Variants in PRKCQ observed in about 807,000 individuals in gnomAD.
PRKCQ encodes the protein protein kinase C theta, also known as protein kinase C theta type.
In PRKCQ, 41 loss-of-function variants were observed where a neutral mutation model predicts 91.2. The ratio of observed to expected loss-of-function variants is 0.45; its 90% CI spans 0.35 to 0.58. The LOEUF (loss-of-function observed/expected upper bound fraction) is 0.58, where lower values mean the gene tolerates loss of function less well. Among genes scored for constraint, PRKCQ ranks in the 20% least tolerant of loss-of-function variants. PRKCQ has a pLI of 0.00. For synonymous variants in PRKCQ, 307 were observed against 316.9 expected, an observed-to-expected ratio of 0.97 and a Z score of 0.33; for missense variants, 673 against 896.5, an observed-to-expected ratio of 0.75 and a Z score of 3.18.
At chr10:6,462,508 ATGT>A (rs1835407746) in intron 13 of PRKCQ, 143 bp from the exon 14 acceptor site, 2 of 677,604 alleles carry the variant, frequency 3.0e-6, no homozygotes, top group Admixed American at 2.7e-5. Flanking sequence ...AACAAGGAAG[ATGT>A]TGTCCATTCA....
chr10:6,471,167 G>A (rs1835941785), intron 12 of PRKCQ, among the ~76,000 whole-genome samples: 1 of 151,712 alleles, frequency 6.6e-6, no homozygotes, highest in Non-Finnish European at 1.5e-5. Context: ...GCTCCCCCCT[G>A]TGCCCAGCCC....
Position 6,530,599 on chromosome 10 carries a change from G to A in PRKCQ, c.-9-15455C>T, listed in dbSNP as rs61033686. On this transcript the variant is annotated intron_variant, in intron 1 of 17. Transcript: ENST00000263125. ...AGGGTGGACTAGGGAAGGGCACCGGGGGAAGAGAAAGAAAGTGCAGAAAGA... is the reference window on the plus strand; with the variant it reads ...AGGGTGGACTAGGGAAGGGCACCGGAGGAAGAGAAAGAAAGTGCAGAAAGA... 9.3e-3 allele frequency among the ~76,000 whole-genome samples: 1,412 copies of A among 152,290 alleles called. 20 individuals are homozygous for A. Among genetic ancestry groups the A allele is most frequent in the African/African-American group, 0.032 (1,327 of 41,542 alleles).
At chr10:6,519,442 C>G (rs1359151573) in intron 1 of PRKCQ, among the ~76,000 whole-genome samples, 1 of 152,160 alleles carries the variant, frequency 6.6e-6, no homozygotes, top group African/African-American at 2.4e-5. Context: ...GCATCACAAC[C>G]TCCTAAATTC....
At chr10:6,577,664 T>C (rs1440460265) in intron 1 of PRKCQ, among the ~76,000 whole-genome samples, 8 of 152,022 alleles carry the variant, frequency 5.3e-5, no homozygotes, top group Non-Finnish European at 8.8e-5. Flanking sequence ...CTGAACTCCA[T>C]AAAAAGGAAA....
intron 16 of PRKCQ, among the ~76,000 whole-genome samples, chr10:6,435,839 A>G (rs1278441049): frequency 6.6e-6 from 1 of 152,206 alleles, no homozygotes; most frequent in African/African-American, 2.4e-5. Context: ...TTTACTGAGA[A>G]TGGTGGCTCA....
At chr10:6,577,492 G>A (rs1229431446) in intron 1 of PRKCQ, among the ~76,000 whole-genome samples, 1 of 152,072 alleles carries the variant, frequency 6.6e-6, no homozygotes, top group Non-Finnish European at 1.5e-5. Context: ...TGAGTTTAAT[G>A]CTATGTATGC....
chr10:6,404,573 C>CTCTTTCTT, the PRKCQ span, among the ~76,000 whole-genome samples: 7 of 121,808 alleles, frequency 5.7e-5, no homozygotes, highest in Admixed American at 6.5e-4. Flanking sequence ...TTCCTTCTTT[C>CTCTTTCTT]TCTTTCTTTC....
At chr10:6,556,424 C>T (rs1840415376) in intron 1 of PRKCQ, among the ~76,000 whole-genome samples, 2 of 113,244 alleles carry the variant, frequency 1.8e-5, no homozygotes, top group Admixed American at 1.1e-4. Flanking sequence ...AAAGCAAGAC[C>T]CTGTCTTGGG....
At chr10:6,573,639 G>A (rs758802258) in intron 1 of PRKCQ, among the ~76,000 whole-genome samples, 5 of 152,132 alleles carry the variant, frequency 3.3e-5, no homozygotes, top group Non-Finnish European at 7.4e-5. Context: ...CGCTTATTAG[G>A]AATTCTTGCC....
chr10:6,573,880 G>T (rs997253305), intron 1 of PRKCQ, among the ~76,000 whole-genome samples: 2 of 152,208 alleles, frequency 1.3e-5, no homozygotes, highest in African/African-American at 4.8e-5. Context: ...ACTCTGGGAG[G>T]CCAAGGCGGG....
At chr10:6,564,875 T>C (rs1316280052) in intron 1 of PRKCQ, among the ~76,000 whole-genome samples, 1 of 152,214 alleles carries the variant, frequency 6.6e-6, no homozygotes, top group Admixed American at 6.5e-5. Context: ...CCACTGTCAA[T>C]ATATACCCAC....
intron 15 of PRKCQ, among the ~76,000 whole-genome samples, chr10:6,455,362 T>C (rs1253282703): frequency 2.0e-5 from 3 of 152,182 alleles, no homozygotes; most frequent in African/African-American, 7.2e-5. Flanking sequence ...AGTTCAACAA[T>C]GCCATGTAAG....
chr10:6,424,755 G>C (rs547484136), downstream of PRKCQ, among the ~76,000 whole-genome samples: 1 of 152,282 alleles, frequency 6.6e-6, no homozygotes, highest in South Asian at 2.1e-4. Flanking sequence ...GACGGGATCT[G>C]AGAAAATCCT....
intron 1 of PRKCQ, among the ~76,000 whole-genome samples, chr10:6,522,134 G>T (rs1839038116): frequency 6.6e-6 from 1 of 152,056 alleles, no homozygotes; most frequent in Non-Finnish European, 1.5e-5. Context: ...TAGAGACTGG[G>T]TTTCACCATG....
chr10:6,413,244 G>T, the PRKCQ span, among the ~76,000 whole-genome samples: 1 of 152,180 alleles, frequency 6.6e-6, no homozygotes, highest in South Asian at 2.1e-4. Context: ...GAGCCACTCT[G>T]CCCGGCCTTA....
intron 8 of PRKCQ, among the ~76,000 whole-genome samples, chr10:6,489,100 A>G (rs1837117135): frequency 6.6e-6 from 1 of 152,062 alleles, no homozygotes; most frequent in Non-Finnish European, 1.5e-5. Context: ...TACTATAGAA[A>G]GGATTTTTTT....
At chr10:6,489,901 C>T (rs1837186173) in intron 8 of PRKCQ, among the ~76,000 whole-genome samples, 1 of 152,114 alleles carries the variant, frequency 6.6e-6, no homozygotes, top group African/African-American at 2.4e-5. Context: ...TGCCGCGGCG[C>T]TGCTGGGACC....
the PRKCQ span, among the ~76,000 whole-genome samples, chr10:6,415,446 AT>A: frequency 2.2e-5 from 2 of 90,378 alleles, no homozygotes; most frequent in African/African-American, 8.1e-5. Flanking sequence ...ATATATATAT[AT>A]ATATATATAC....
chr10:6,531,283 A>C (rs933895953), intron 1 of PRKCQ, among the ~76,000 whole-genome samples: 1 of 152,234 alleles, frequency 6.6e-6, no homozygotes, highest in Non-Finnish European at 1.5e-5. Flanking sequence ...CTATTTGCTC[A>C]GAATCCAGCA....
Sources: allele counts gnomAD v4.1 joint callset (sites outside exome capture counted in the v4.1 genomes callset), GRCh38; gene constraint gnomAD v4.1.1; transcripts MANE v1.5; gene names NCBI Gene and HGNC (gene_info 2026-07-23, HGNC 2026-07-21).